CDC42BPB: variants seen among roughly 807,000 people sequenced by gnomAD.
CDC42BPB encodes serine/threonine-protein kinase MRCK beta.
In CDC42BPB, 37 loss-of-function variants were observed where a neutral mutation model predicts 214.9. The ratio of observed to expected loss-of-function variants is 0.17; its 90% CI spans 0.13 to 0.23. The LOEUF is 0.23. Ranked by LOEUF, CDC42BPB falls within the 10% of genes least tolerant of loss-of-function variation. CDC42BPB has a pLI of 1.00. For missense variants in CDC42BPB, 1,694 were observed against 2,227.0 expected (o/e 0.76, Z 4.82); for synonymous variants, 931 against 884.0 (o/e 1.05, Z -0.94).
At chr14:102,988,234 A>T (rs1894336685) in intron 5 of CDC42BPB, among the ~76,000 whole-genome samples, 2 of 152,166 alleles carry the variant, frequency 1.3e-5, no homozygotes, top group Admixed American at 1.3e-4. Flanking sequence ...AAGCAGCCAG[A>T]GGCTAAAGTG....
intron 1 of CDC42BPB, among the ~76,000 whole-genome samples, chr14:103,017,968 C>A (rs1329995722): frequency 6.6e-6 from 1 of 152,186 alleles, no homozygotes; most frequent in African/African-American, 2.4e-5. Flanking sequence ...CTTTTTGGCA[C>A]CAGGGGCCAC....
chr14:102,947,626 G>C, intron 27 of CDC42BPB, 95 bp downstream of exon 27: 1 of 1,077,356 alleles, frequency 9.3e-7, no homozygotes, highest in Non-Finnish European at 1.4e-6. Context: ...GGCCACACTG[G>C]AGGTGCGCTG....
rs74082731 is a variant in CDC42BPB, at chr14:103,002,703, C to T, written c.447+1225G>A. On this transcript the variant is annotated intron_variant, in intron 4 of 36. Coordinates refer to ENST00000361246, the MANE Select transcript of CDC42BPB (RefSeq NM_006035.4). ...GGGTCTTGGTCACAGGTGCTGTCAT[C>T]CATGTGGTCACTTTGGGCAAGTGAC... Among the ~76,000 whole-genome samples, 914 of 152,208 alleles carry T rather than the reference C, an allele frequency of 6.0e-3. 13 individuals are homozygous for T. Among genetic ancestry groups the T allele is most frequent in the African/African-American group, 0.021 (872 of 41,524 alleles).
chr14:102,994,167 T>C (rs913311633), intron 5 of CDC42BPB, among the ~76,000 whole-genome samples: 2 of 152,050 alleles, frequency 1.3e-5, no homozygotes, highest in African/African-American at 4.8e-5. Flanking sequence ...AAACAGGACC[T>C]GGTTGCCAGG....
chr14:103,002,313 A>C (rs561383168), intron 4 of CDC42BPB, among the ~76,000 whole-genome samples: 6 of 152,110 alleles, frequency 3.9e-5, no homozygotes, highest in Non-Finnish European at 7.4e-5. Context: ...TCTCATCCTT[A>C]ATTTTCATGG....
chr14:102,986,711 C>CAAAT, intron 5 of CDC42BPB, 131 bp from the exon 6 acceptor site: 1 of 1,375,614 alleles, frequency 7.3e-7, no homozygotes, highest in Non-Finnish European at 9.4e-7. Context: ...CCATCCAGTA[C>CAAAT]AAATGCCTCT....
chr14:102,957,802 G>A (rs1892777953), intron 21 of CDC42BPB, among the ~76,000 whole-genome samples: 1 of 152,156 alleles, frequency 6.6e-6, no homozygotes, highest in Non-Finnish European at 1.5e-5. Flanking sequence ...CCTGCTGACT[G>A]CCCCCTACTC....
chr14:102,983,310 T>TG (rs1350213574), intron 7 of CDC42BPB, among the ~76,000 whole-genome samples: 1 of 151,790 alleles, frequency 6.6e-6, no homozygotes, highest in Non-Finnish European at 1.5e-5. Context: ...AGAGTGGGGG[T>TG]GGGGGTCACC....
intron 1 of CDC42BPB, among the ~76,000 whole-genome samples, chr14:103,035,950 G>A (rs1316971599): frequency 6.6e-6 from 1 of 151,960 alleles, no homozygotes; most frequent in Non-Finnish European, 1.5e-5. Context: ...TCAGGAGTTC[G>A]AAACCAACCT....
intron 5 of CDC42BPB, among the ~76,000 whole-genome samples, chr14:102,990,410 A>G (rs1894439649): frequency 6.6e-6 from 1 of 152,216 alleles, no homozygotes; most frequent in Admixed American, 6.5e-5. Context: ...GAGCAATTCT[A>G]AAGCTTTTTT....
chr14:103,053,549 C>T (rs546024812), intron 1 of CDC42BPB, among the ~76,000 whole-genome samples: 3 of 151,848 alleles, frequency 2.0e-5, no homozygotes, highest in Admixed American at 6.6e-5. Context: ...ATCACGAGGT[C>T]TGGAGATCGA....
intron 4 of CDC42BPB, among the ~76,000 whole-genome samples, chr14:103,003,125 C>A (rs1291152197): frequency 6.6e-6 from 1 of 152,204 alleles, no homozygotes; most frequent in East Asian, 1.9e-4. Context: ...CTCGCCACCA[C>A]TGCAGAAACA....
chr14:103,028,454 G>T (rs185720656), intron 1 of CDC42BPB, among the ~76,000 whole-genome samples: 3 of 152,214 alleles, frequency 2.0e-5, no homozygotes, highest in African/African-American at 7.2e-5. Context: ...TGTCAACAAT[G>T]AGCAGTGCCA....
intron 4 of CDC42BPB, among the ~76,000 whole-genome samples, chr14:103,002,974 G>C (rs1016878951): frequency 6.6e-6 from 1 of 152,106 alleles, no homozygotes; most frequent in Non-Finnish European, 1.5e-5. Flanking sequence ...TGAATGGAAG[G>C]ATCCCACACT....
In CDC42BPB at chr14:102,985,889, G is replaced by A. The variant is rs527700400; in HGVS notation, c.690+598C>T. Among the ~76,000 whole-genome samples, 16 of 152,366 alleles carry A rather than the reference G, an allele frequency of 1.1e-4. No homozygotes were observed. The East Asian group carries it at 2.1e-3, about 20-fold the overall frequency. On this transcript the variant is annotated intron_variant, in intron 6 of 36. Coordinates refer to ENST00000361246, the MANE Select transcript of CDC42BPB (RefSeq NM_006035.4). Reference sequence around the variant, plus strand: ...CCCCATCAGGCTACTCGGCCATGACGCTGGTCTGACTGCGGGGTGGAGACC... The same window carrying A: ...CCCCATCAGGCTACTCGGCCATGACACTGGTCTGACTGCGGGGTGGAGACC...
At position 103,004,489 on chromosome 14, in the gene CDC42BPB, G is replaced by A. The variant is rs1007157639; in HGVS notation, c.352-466C>T. Among the ~76,000 whole-genome samples the A allele has an allele frequency of 5.3e-5, 8 of 152,240 alleles. No individual in the cohort carries two copies. Among genetic ancestry groups the A allele is most frequent in the African/African-American group, 1.9e-4 (8 of 41,468 alleles). ...ACGTTTGCTGAAATCACAGTATAGT[G>A]ATGACACAATTGTCACAGATTCCAC... On this transcript the variant is annotated intron_variant, in intron 3 of 36. Transcript: ENST00000361246. This position sits in a 1 kb window ranked among gnomAD's most constrained non-coding sequence, Gnocchi z 5.3.
intron 1 of CDC42BPB, among the ~76,000 whole-genome samples, chr14:103,013,888 A>G (rs924479950): frequency 4.6e-5 from 7 of 152,238 alleles, no homozygotes; most frequent in Non-Finnish European, 7.3e-5. Context: ...CCTAGAGGCC[A>G]GGCGCAGTGG....
chr14:103,035,816 G>A (rs1267606598), intron 1 of CDC42BPB, among the ~76,000 whole-genome samples: 1 of 151,526 alleles, frequency 6.6e-6, no homozygotes, highest in African/African-American at 2.4e-5. Context: ...TTCCAGCCTG[G>A]GTGACAGAGC....
In CDC42BPB at chr14:102,943,132, A is replaced by C. The variant is rs1891976655; in HGVS notation, c.4408+759T>G. ...GTGATCCGCCCTGCCTTGGGCTCCC[A>C]AAGTGCTGGGATTACAGGTGTGAGC... is the stretch of plus-strand genomic sequence containing the variant. On this transcript the variant is annotated intron_variant, in intron 30 of 36. Coordinates refer to ENST00000361246, the MANE Select transcript of CDC42BPB (RefSeq NM_006035.4). The surrounding 1 kb of genome is among the most constrained non-coding windows in gnomAD (Gnocchi z 4.6). Among the ~76,000 whole-genome samples, 1 of 152,136 alleles carries C rather than the reference A, an allele frequency of 6.6e-6. No homozygotes were observed. Among genetic ancestry groups the C allele is most frequent in the African/African-American group, 2.4e-5 (1 of 41,418 alleles).
Sources: gnomAD v4.1 joint callset for allele counts (sites outside exome capture counted in the v4.1 genomes callset) on GRCh38, gnomAD v4.1.1 for gene constraint, Gnocchi (gnomAD v3.1) non-coding constraint, MANE v1.5 for transcripts, NCBI Gene and HGNC (gene_info 2026-07-23, HGNC 2026-07-21) for gene names.